Variants in RFX4 observed in about 807,000 individuals in gnomAD.
RFX4 encodes the protein transcription factor RFX4.
Under a neutral mutation model 95.0 loss-of-function variants are expected in RFX4, and 10 were observed. The observed-to-expected ratio is 0.11, with a 90% CI of 0.06 to 0.18. The LOEUF (loss-of-function observed/expected upper bound fraction) is 0.18. Ranked by LOEUF, RFX4 falls within the 10% of genes least tolerant of loss-of-function variation. RFX4 has a pLI of 1.00. For missense variants in RFX4, 640 were observed against 922.0 expected, an observed-to-expected ratio of 0.69 and a Z score of 3.96; for synonymous variants, 321 against 340.7, an observed-to-expected ratio of 0.94 and a Z score of 0.64.
At chr12:106,677,257 C>G (rs1298043750) in intron 4 of RFX4, among the ~76,000 whole-genome samples, 1 of 152,130 alleles carries the variant, frequency 6.6e-6, no homozygotes, top group East Asian at 1.9e-4. Flanking sequence ...TGGGAAGGGT[C>G]ACAGGGCAAG....
chr12:106,629,506 G>T (rs2040373006), intron 2 of RFX4, among the ~76,000 whole-genome samples: 1 of 151,920 alleles, frequency 6.6e-6, no homozygotes. Context: ...TTTGAGAGAG[G>T]GTCTTGCTCT....
At chr12:106,759,629 C>T (rs889842584) in intron 17 of RFX4, among the ~76,000 whole-genome samples, 4 of 152,090 alleles carry the variant, frequency 2.6e-5, no homozygotes, top group Non-Finnish European at 4.4e-5. Context: ...GTTCCCATGA[C>T]GCAGAGCACA....
rs189954582 is a variant in RFX4 at position 106,615,696 on chromosome 12, C to T, written c.130+6813C>T. Among the ~76,000 whole-genome samples the T allele has an allele frequency of 2.0e-5, 3 of 152,196 alleles. No individual in the cohort carries two copies. The East Asian group carries it at 5.8e-4, about 29-fold the overall frequency. On this transcript the variant is annotated intron_variant, in intron 2 of 17. Coordinates refer to ENST00000392842, the MANE Select transcript of RFX4 (RefSeq NM_213594.3). ...ATTTCACTGTAGAGATTTTACACAT[C>T]TTTCTTTAGACTTATTCCTAGATAA...
intron 13 of RFX4, among the ~76,000 whole-genome samples, chr12:106,722,022 C>T (rs777278625): frequency 2.6e-5 from 4 of 152,204 alleles, no homozygotes; most frequent in Non-Finnish European, 5.9e-5. Context: ...GTTCTCTGAA[C>T]CTGCCTGCAC....
intron 4 of RFX4, among the ~76,000 whole-genome samples, chr12:106,658,354 C>A (rs968154026): frequency 6.6e-6 from 1 of 152,210 alleles, no homozygotes; most frequent in Non-Finnish European, 1.5e-5. Flanking sequence ...CTCCACCCAA[C>A]TCTTCCTGCT....
chr12:106,624,305 T>A (rs576455505), intron 2 of RFX4, among the ~76,000 whole-genome samples: 1 of 152,248 alleles, frequency 6.6e-6, no homozygotes, highest in African/African-American at 2.4e-5. Context: ...GATCTAATAA[T>A]TTTTTCATTT....
At chr12:106,584,584 TC>T (rs1020606876) in intron 1 of RFX4, among the ~76,000 whole-genome samples, 1 of 152,020 alleles carries the variant, frequency 6.6e-6, no homozygotes, top group Non-Finnish European at 1.5e-5. Context: ...CACGAATGTC[TC>T]CCCAACTCCA....
At chr12:106,734,101 A>G (rs1322827228) in intron 15 of RFX4, among the ~76,000 whole-genome samples, 1 of 152,232 alleles carries the variant, frequency 6.6e-6, no homozygotes. Flanking sequence ...TTCCATTTAT[A>G]TGAGGTACCT....
At chr12:106,698,165 G>C (rs1390491514) in intron 8 of RFX4, among the ~76,000 whole-genome samples, 1 of 151,848 alleles carries the variant, frequency 6.6e-6, no homozygotes, top group Non-Finnish European at 1.5e-5. Flanking sequence ...GTAGAGACGG[G>C]GTTTCACCAT....
chr12:106,625,471 T>C (rs2137247261), intron 2 of RFX4, among the ~76,000 whole-genome samples: 1 of 152,312 alleles, frequency 6.6e-6, no homozygotes, highest in African/African-American at 2.4e-5. Context: ...ATCTAAACAA[T>C]TGCATTTTTC....
chr12:106,758,877 TG>T (rs1444433285), intron 17 of RFX4, among the ~76,000 whole-genome samples: 1 of 152,236 alleles, frequency 6.6e-6, no homozygotes, highest in African/African-American at 2.4e-5. Flanking sequence ...CTTGATCTCA[TG>T]GGGCCTGGCT....
chr12:106,678,443 G>A (rs938938967), intron 4 of RFX4, among the ~76,000 whole-genome samples: 3 of 151,998 alleles, frequency 2.0e-5, no homozygotes, highest in Non-Finnish European at 4.4e-5. Context: ...TCTACGTATT[G>A]TTTATAGAAA....
intron 3 of RFX4, among the ~76,000 whole-genome samples, chr12:106,642,351 C>T (rs111760042): frequency 0.056 from 8,475 of 151,430 alleles, 488 homozygotes; most frequent in African/African-American, 0.15. Flanking sequence ...CACAGTGGCT[C>T]ACGCCTGTAA....
chr12:106,760,863 T>C (rs2043196810), intron 17 of RFX4, among the ~76,000 whole-genome samples: 1 of 152,160 alleles, frequency 6.6e-6, no homozygotes, highest in Non-Finnish European at 1.5e-5. Context: ...AGTGTATGTG[T>C]GTGTGTGACA....
chr12:106,628,161 G>A (rs902247305), intron 2 of RFX4, among the ~76,000 whole-genome samples: 3 of 152,034 alleles, frequency 2.0e-5, no homozygotes, highest in African/African-American at 4.8e-5. Flanking sequence ...CATTCTGCCC[G>A]CAGTGTCAGT....
chr12:106,660,223 T>G (rs1432214697), intron 4 of RFX4, among the ~76,000 whole-genome samples: 16 of 151,904 alleles, frequency 1.1e-4, no homozygotes, highest in African/African-American at 3.6e-4. Context: ...TATATACACA[T>G]GAGTGACTGC....
chr12:106,641,110 C>T (rs1350543430), intron 3 of RFX4, among the ~76,000 whole-genome samples: 1 of 152,162 alleles, frequency 6.6e-6, no homozygotes, highest in Non-Finnish European at 1.5e-5. Flanking sequence ...ATAACCTGAA[C>T]ATGTCATATG....
intron 1 of RFX4, among the ~76,000 whole-genome samples, chr12:106,604,039 G>A (rs1434524675): frequency 6.6e-6 from 1 of 151,540 alleles, no homozygotes; most frequent in South Asian, 2.1e-4. Context: ...GGAGTAGCAC[G>A]TGCCTTACTT....
chr12:106,720,835 G>T lies in RFX4; in HGVS notation c.1310G>T (p.Arg437Met), dbSNP rs2042383331. 3 of 1,613,354 alleles carry T rather than the reference G, an allele frequency of 1.9e-6. No individual in the cohort carries two copies. The highest frequency in any genetic ancestry group is 2.5e-6 in the Non-Finnish European group (3 of 1,180,030). The change falls in exon 13 of 18, where the codon AGG becomes ATG. Residue 437 changes from arginine to methionine, a missense_variant. By Grantham distance (91) the Arg-to-Met change is moderately conservative (BLOSUM62 -1). Around this residue, in one of 7 missense-constraint regions of RFX4, gnomAD observed 20 missense variants for 52.3 expected, o/e 0.38. Transcript: ENST00000392842. This position sits in a 1 kb window ranked among gnomAD's most constrained non-coding sequence, Gnocchi z 4.2. The part of the protein sequence containing the change: ...FLLMWSCFGT[R>M]VIRDMTLHSA... The stretch of plus-strand genomic sequence containing the variant: ...TTGATGTGGTCCTGTTTCGGCACAA[G>T]GGTGATCCGGGACATGACCTTGCAC...
Sources: gnomAD v4.1 joint callset for allele counts (sites outside exome capture counted in the v4.1 genomes callset) on GRCh38, gnomAD v4.1.1 for gene constraint, gnomAD v4.1.1 regional missense constraint, Gnocchi (gnomAD v3.1) non-coding constraint, MANE v1.5 for transcripts, NCBI Gene and HGNC (gene_info 2026-07-23, HGNC 2026-07-21) for gene names.